Variants in MSH5 observed in about 807,000 individuals in gnomAD.
MSH5 encodes the protein mutS homolog 5.
A neutral mutation model predicts 107.7 loss-of-function variants in MSH5; 78 were observed. The observed-to-expected ratio is 0.72, with a 90% confidence interval of 0.60 to 0.87. The LOEUF is 0.87. Among genes scored for constraint, MSH5 ranks in the 40% least tolerant of loss-of-function variants. MSH5 has a pLI of 0.00. For synonymous variants in MSH5, 326 were observed against 399.5 expected, an observed-to-expected ratio of 0.82 and a Z score of 2.19; for missense variants, 889 against 1,046.6, an observed-to-expected ratio of 0.85 and a Z score of 2.08.
chr6:31,747,779 G>A (rs761677611), intron 10 of MSH5, among the ~76,000 whole-genome samples: 4 of 152,172 alleles, frequency 2.6e-5, no homozygotes, highest in Non-Finnish European at 5.9e-5. Flanking sequence ...GCCAAGGTGG[G>A]TGAATCACTT....
chr6:31,760,280 C>T lies in MSH5; in HGVS notation c.1812+64C>T, dbSNP rs1810872482. On this transcript the variant is annotated intron_variant, in intron 19 of 24. Transcript: ENST00000375750. This position sits in a 1 kb window ranked among gnomAD's most constrained non-coding sequence, Gnocchi z 5.6. ...CTGCATCTACTCCACCCCTACTTGCCAGCCAACTCAGGCTCCTGCAGCTCT... is the reference window on the plus strand; with the variant it reads ...CTGCATCTACTCCACCCCTACTTGCTAGCCAACTCAGGCTCCTGCAGCTCT... The T allele has an allele frequency of 2.0e-6, 3 of 1,515,940 alleles. No individual in the cohort carries two copies. The highest frequency in any genetic ancestry group is 2.6e-6 in the Non-Finnish European group (3 of 1,136,108). The allele number at this position is 1,515,940 out of a possible 1,614,324, so 93.9% of individuals were successfully genotyped here. A position where few individuals can be genotyped will look rare whatever the true frequency, so the allele number is the denominator to read the frequency against.
At position 31,759,484 on chromosome 6, in the gene MSH5, G is replaced by C; in HGVS notation, c.1467G>C (p.Leu489Phe). 1 of 1,612,696 alleles carries C rather than the reference G, an allele frequency of 6.2e-7. No individual in the cohort carries two copies. Among genetic ancestry groups the C allele is most frequent in the Non-Finnish European group, 8.5e-7 (1 of 1,179,986 alleles). ...RSARTKELDA[L>F]LGDLHCEIRD... ...CCCGAACCAAGGAGCTGGATGCATT[G>C]CTGGGGGACCTGCACTGCGAGATCC... The change falls in exon 17 of 25, where the codon TTG (leucine) becomes TTC (phenylalanine). Residue 489 changes from leucine (L) to phenylalanine (F), a missense_variant. Around this residue, in one of 3 missense-constraint regions of MSH5, gnomAD observed 362 missense variants for 456.2 expected, o/e 0.79. Coordinates refer to ENST00000375750, the MANE Select transcript of MSH5 (RefSeq NM_172166.4). This position sits in a 1 kb window ranked among gnomAD's most constrained non-coding sequence, Gnocchi z 4.7.
intron 10 of MSH5, among the ~76,000 whole-genome samples, chr6:31,751,814 A>C (rs1480243311): frequency 2.0e-5 from 3 of 151,814 alleles, no homozygotes; most frequent in Non-Finnish European, 4.4e-5. Flanking sequence ...TAGTAATACA[A>C]ATGGCCAGGC....
intron 10 of MSH5, among the ~76,000 whole-genome samples, chr6:31,748,335 A>G (rs1809644484): frequency 7.0e-6 from 1 of 143,806 alleles, no homozygotes; most frequent in Non-Finnish European, 1.5e-5. Context: ...AGATCTAAGC[A>G]TGTCACTCCT....
chr6:31,753,473 A>C, intron 11 of MSH5, 34 bp downstream of exon 11: 1 of 1,611,832 alleles, frequency 6.2e-7, no homozygotes, highest in South Asian at 1.1e-5. Flanking sequence ...GAGGTGGGGA[A>C]GGAGGTTGAG....
chr6:31,741,349 A>T, intron 3 of MSH5, 63 bp downstream of exon 3: 2 of 784,384 alleles, frequency 2.5e-6, no homozygotes. Flanking sequence ...ACACACACAC[A>T]CACACACACA....
In MSH5 at chr6:31,759,771, C is replaced by G. The variant is rs1283263506; in HGVS notation, c.1496-15C>G. The stretch of plus-strand genomic sequence containing the variant: ...CTGGAACTGACCTCCAGCTCCCTTC[C>G]TCACCCACTCCCAGACCAGGAGACG... On this transcript the variant is annotated splice_polypyrimidine_tract_variant and intron_variant, in intron 17 of 24. Transcript: ENST00000375750. The surrounding 1 kb of genome is among the most constrained non-coding windows in gnomAD (Gnocchi z 4.7). The G allele has an allele frequency of 1.9e-6, 3 of 1,610,906 alleles. No homozygotes were observed. The African/African-American group carries it at 4.0e-5, about 22-fold the overall frequency.
At position 31,741,380 on chromosome 6, in the gene MSH5, CACAT is replaced by C. The variant is rs1373523733; in HGVS notation, c.271+96_271+99del. The C allele has an allele frequency of 4.8e-3, 4,100 of 846,258 alleles. 132 individuals carry two copies. In the South Asian group the frequency reaches 0.061, roughly 13 times the overall value. The allele number at this position is 846,258 out of a possible 1,614,324, so 52.4% of individuals were successfully genotyped here. On this transcript the variant is annotated intron_variant, in intron 3 of 24. Coordinates refer to ENST00000375750, the MANE Select transcript of MSH5 (RefSeq NM_172166.4). Reference sequence around the variant, plus strand: ...ACACACACACACACACACACACACACACATATTTTTTTTTTCTAGACAGAGTCTT... The same window carrying C: ...ACACACACACACACACACACACACACATTTTTTTTTTCTAGACAGAGTCTT...
chr6:31,759,298 G>A lies in MSH5; in HGVS notation c.1407+121G>A. 2 of 1,386,904 alleles carry A rather than the reference G, an allele frequency of 1.4e-6. No individual in the cohort carries two copies. Among genetic ancestry groups the A allele is most frequent in the Non-Finnish European group, 2.0e-6 (2 of 976,598 alleles). 85.9% of individuals were successfully genotyped at this position (1,386,904 alleles called of 1,614,324 possible). On this transcript the variant is annotated intron_variant, in intron 16 of 24. Coordinates refer to ENST00000375750, the MANE Select transcript of MSH5 (RefSeq NM_172166.4). The surrounding 1 kb of genome is among the most constrained non-coding windows in gnomAD (Gnocchi z 4.7). The stretch of plus-strand genomic sequence containing the variant: ...TCTCTCCTCTGTAGTTTTACTCTGA[G>A]CTTTACCAGCACTGAGACAAAGGAA...
intron 12 of MSH5, chr6:31,756,537 T>A (rs1810459650): frequency 6.6e-6 from 1 of 152,248 alleles, no homozygotes; most frequent in African/African-American, 2.4e-5. Context: ...CTTCATTTAT[T>A]AGCCAGAAAT....
chr6:31,760,096 T>A lies in MSH5; in HGVS notation c.1692T>A (p.Pro564=). The A allele has an allele frequency of 6.2e-7, 1 of 1,602,718 alleles. No individual in the cohort carries two copies. Among genetic ancestry groups the A allele is most frequent in the Non-Finnish European group, 8.5e-7 (1 of 1,173,960 alleles). ...GCCTCTCCGCCCACTGCAGACATCC[T>A]CTGATGGAACTCTGTGCCCGAACCT... ...LGVRIQNGRH[P]LMELCARTFV... Residue 564 remains proline, a synonymous_variant, in exon 19 of 25, where the codon CCT becomes CCA. Transcript: ENST00000375750. This position sits in a 1 kb window ranked among gnomAD's most constrained non-coding sequence, Gnocchi z 5.6.
chr6:31,743,619 A>G (rs1809120125), intron 5 of MSH5: 2 of 502,728 alleles, frequency 4.0e-6, no homozygotes, highest in Non-Finnish European at 7.0e-6. Context: ...TATTAATACC[A>G]TTATTTTGAC....
chr6:31,744,270 C>A lies in MSH5; in HGVS notation c.618C>A (p.Val206=). ...AACTGGAAGACTATAATGTCAGCGT[C>A]CCCATCCTGGGCTTTAAGAAATTTA... ...GVELEDYNVS[V]PILGFKKFML... The change falls in exon 7 of 25, where the codon GTC becomes GTA. Residue 206 remains valine (V), a synonymous_variant. Transcript: ENST00000375750. The A allele has an allele frequency of 6.2e-7, 1 of 1,614,146 alleles. No individual in the cohort carries two copies. The highest frequency in any genetic ancestry group is 8.5e-7 in the Non-Finnish European group (1 of 1,180,020).
At chr6:31,762,290 AC>A in intron 24 of MSH5, 105 bp downstream of exon 24, 1 of 1,422,982 alleles carries the variant, frequency 7.0e-7, no homozygotes, top group Non-Finnish European at 9.9e-7. Context: ...CCCTTCAGAA[AC>A]CCACCATTTC....
chr6:31,756,408 G>A (rs1810447922), intron 12 of MSH5, among the ~76,000 whole-genome samples: 1 of 151,780 alleles, frequency 6.6e-6, no homozygotes, highest in African/African-American at 2.4e-5. Context: ...TTGACCTCAG[G>A]TGATCCACCC....
chr6:31,759,507 T>A lies in MSH5; in HGVS notation c.1490T>A (p.Ile497Asn). Residue 497 changes from isoleucine to asparagine, a missense_variant, in exon 17 of 25, where the codon ATC becomes AAC. Transcript: ENST00000375750. This position sits in a 1 kb window ranked among gnomAD's most constrained non-coding sequence, Gnocchi z 4.7. ...DALLGDLHCE[I>N]RDQETLLMYQ... ...TTGCTGGGGGACCTGCACTGCGAGA[T>A]CCGGGGTGAGGAAAAGCCAGAGGTT... The A allele has an allele frequency of 6.2e-7, 1 of 1,612,346 alleles. No homozygotes were observed. The highest frequency in any genetic ancestry group is 2.2e-5 in the East Asian group (1 of 44,870).
rs181227517 is a variant in MSH5 at position 31,748,038 on chromosome 6, A to G, written c.812+606A>G. Among the ~76,000 whole-genome samples the G allele has an allele frequency of 3.4e-4, 52 of 152,126 alleles. 1 individual carries two copies. The highest frequency in any genetic ancestry group is 2.9e-5 in the Non-Finnish European group (2 of 67,996). ...AAAAATGCTAATGTAACACATGGCT[A>G]TGTTAGCATGGTTATCTTTAGTTAT... On this transcript the variant is annotated intron_variant, in intron 10 of 24. Coordinates refer to ENST00000375750, the MANE Select transcript of MSH5 (RefSeq NM_172166.4).
chr6:31,742,792 G>C lies in MSH5; in HGVS notation c.272-85G>C, dbSNP rs1454306100. 6 of 1,267,310 alleles carry C rather than the reference G, an allele frequency of 4.7e-6. No individual in the cohort carries two copies. The East Asian group carries it at 9.2e-5, about 20-fold the overall frequency. 78.5% of individuals were successfully genotyped at this position (1,267,310 alleles called of 1,614,324 possible). On this transcript the variant is annotated intron_variant, in intron 3 of 24. Transcript: ENST00000375750. ...GGAGGAAATGTTTTTGAGAAGGAGA[G>C]GGGTAGGAAGAGGAGGGCTATGGGT...
Position 31,753,324 on chromosome 6 carries a change from A to T in MSH5, c.836A>T (p.His279Leu). ...AGGCTATGGTTCACACGTCCGACTC[A>T]TGACCTGGGGGAGCTCAGTTCTCGT... Reference protein sequence around the residue: ...LLRLWFTRPTHDLGELSSRLD... With the variant: ...LLRLWFTRPTLDLGELSSRLD... Residue 279 changes from histidine to leucine, a missense_variant, in exon 11 of 25, where the codon CAT (histidine) becomes CTT (leucine). Physicochemically the swap from His to Leu is moderately conservative, Grantham distance 99. This residue lies in a region of MSH5 where 518 missense variants were observed against 565.0 expected (regional missense o/e 0.92). Transcript: ENST00000375750. 1 of 1,613,270 alleles carries T rather than the reference A, an allele frequency of 6.2e-7. No homozygotes were observed. Among genetic ancestry groups the T allele is most frequent in the Non-Finnish European group, 8.5e-7 (1 of 1,179,278 alleles).
Sources: allele counts gnomAD v4.1 joint callset (sites outside exome capture counted in the v4.1 genomes callset), GRCh38; gene constraint gnomAD v4.1.1; regional missense constraint gnomAD v4.1.1; non-coding constraint Gnocchi (gnomAD v3.1); transcripts MANE v1.5; gene names NCBI Gene and HGNC (gene_info 2026-07-23, HGNC 2026-07-21).